Variants in ALK observed in about 807,000 individuals in gnomAD.
The protein encoded by ALK is ALK tyrosine kinase receptor.
ALK carries 74 observed loss-of-function variants against 163.1 expected under a neutral mutation model. The observed-to-expected ratio is 0.45, with a 90% CI of 0.38 to 0.55. The LOEUF (loss-of-function observed/expected upper bound fraction) is 0.55, where lower values mean the gene tolerates loss of function less well. Ranked by LOEUF, ALK falls within the 20% of genes least tolerant of loss-of-function variation. The pLI, the probability that ALK is intolerant of heterozygous loss-of-function variation, is 0.00. For synonymous variants in ALK, 960 were observed against 843.2 expected, an observed-to-expected ratio of 1.14 and a Z score of -2.40; for missense variants, 2,063 against 2,105.3, an observed-to-expected ratio of 0.98 and a Z score of 0.39.
intron 14 of ALK, 90 bp from the exon 15 acceptor site, chr2:29,232,538 G>A: frequency 6.4e-7 from 1 of 1,569,206 alleles, no homozygotes; most frequent in Non-Finnish European, 8.7e-7. Context: ...CTGACTGAGG[G>A]TTTGCTGTTT....
chr2:29,904,150 G>T (rs972125040), intron 1 of ALK, among the ~76,000 whole-genome samples: 1 of 151,946 alleles, frequency 6.6e-6, no homozygotes, highest in African/African-American at 2.4e-5. Context: ...TTGAAATAGG[G>T]TTTTTTTCTG....
chr2:29,691,977 C>T (rs752298521), intron 3 of ALK, among the ~76,000 whole-genome samples: 13 of 152,028 alleles, frequency 8.6e-5, no homozygotes, highest in East Asian at 7.7e-4. Flanking sequence ...AAACCTGTAA[C>T]GACCAAAAAA....
chr2:29,774,504 T>A (rs997172692), intron 1 of ALK, among the ~76,000 whole-genome samples: 4 of 152,226 alleles, frequency 2.6e-5, no homozygotes, highest in African/African-American at 9.6e-5. Context: ...AACAACCTTA[T>A]GACAAGGGCA....
At chr2:29,509,367 C>T (rs1672445314) in intron 4 of ALK, among the ~76,000 whole-genome samples, 1 of 152,116 alleles carries the variant, frequency 6.6e-6, no homozygotes, top group Non-Finnish European at 1.5e-5. Flanking sequence ...AACAGGGGTT[C>T]CTTCAACCAT....
chr2:29,319,528 G>C (rs1359514286), intron 7 of ALK, among the ~76,000 whole-genome samples: 1 of 152,136 alleles, frequency 6.6e-6, no homozygotes, highest in South Asian at 2.1e-4. Context: ...TGGGAGAGGG[G>C]GTAGTTCAGT....
intron 3 of ALK, among the ~76,000 whole-genome samples, chr2:29,580,758 G>A (rs967547801): frequency 7.2e-5 from 11 of 152,214 alleles, no homozygotes; most frequent in African/African-American, 2.2e-4. Flanking sequence ...GGGCCCTGAC[G>A]TGGTTTGGGG....
rs1162190295 is a variant in ALK, at chr2:29,752,409, G to T, written c.668-34712C>A. 1.8e-4 allele frequency among the ~76,000 whole-genome samples: 27 copies of T among 147,906 alleles called. No individual in the cohort carries two copies. In the South Asian group the frequency reaches 2.6e-3, roughly 14 times the overall value. On this transcript the variant is annotated intron_variant, in intron 1 of 28. Coordinates refer to ENST00000389048, the MANE Select transcript of ALK (RefSeq NM_004304.5). Reference sequence around the variant, plus strand: ...CTGTCGCCCAGGCTGGAGTGCAGTGGCGCGATCTCGACTCACTGCAAGCTC... The same window carrying T: ...CTGTCGCCCAGGCTGGAGTGCAGTGTCGCGATCTCGACTCACTGCAAGCTC...
intron 4 of ALK, among the ~76,000 whole-genome samples, chr2:29,427,037 C>CAAAAAAAAAAAAAAAAAAAAA (rs70958261): frequency 2.5e-5 from 1 of 40,126 alleles, no homozygotes; most frequent in Non-Finnish European, 3.9e-5. Flanking sequence ...GACTCCGTCT[C>CAAAAAAAAAAAAAAAAAAAAA]AAAAAAAAAA....
intron 3 of ALK, among the ~76,000 whole-genome samples, chr2:29,534,924 T>C (rs563182040): frequency 6.6e-6 from 1 of 152,198 alleles, no homozygotes; most frequent in Non-Finnish European, 1.5e-5. Flanking sequence ...GGACTATCAA[T>C]AAGCGACTGA....
intron 3 of ALK, among the ~76,000 whole-genome samples, chr2:29,670,950 T>C (rs1677665147): frequency 2.0e-5 from 3 of 152,118 alleles, no homozygotes. Context: ...AAAATGCTAT[T>C]TTTAATTATT....
chr2:29,748,586 C>G (rs553481193), intron 1 of ALK, among the ~76,000 whole-genome samples: 1 of 152,040 alleles, frequency 6.6e-6, no homozygotes, highest in East Asian at 1.9e-4. Flanking sequence ...GAAAGAAGCC[C>G]GTGGGAAGCA....
rs185725089 is a variant in ALK, at chr2:29,202,735, C to T, written c.3938+4436G>A. 3.8e-3 allele frequency among the ~76,000 whole-genome samples: 573 copies of T among 152,270 alleles called. 7 individuals carry two copies. The highest frequency in any genetic ancestry group is 0.013 in the African/African-American group (525 of 41,564). Reference sequence around the variant, plus strand: ...ATGTAGGTTGTCTTCTTTTATACTGCGGAATAGTTTTCCATGATGTAAGTA... The same window carrying T: ...ATGTAGGTTGTCTTCTTTTATACTGTGGAATAGTTTTCCATGATGTAAGTA... On this transcript the variant is annotated intron_variant, in intron 26 of 28. Transcript: ENST00000389048.
chr2:29,709,687 A>C (rs1234605748), intron 2 of ALK, among the ~76,000 whole-genome samples: 3 of 152,182 alleles, frequency 2.0e-5, no homozygotes, highest in African/African-American at 7.2e-5. Flanking sequence ...ACCACCTCCC[A>C]GACTGTTCTA....
chr2:29,248,797 AATT>A (rs1664749362), intron 12 of ALK, among the ~76,000 whole-genome samples: 1 of 152,198 alleles, frequency 6.6e-6, no homozygotes, highest in Non-Finnish European at 1.5e-5. Context: ...AAAATGAATT[AATT>A]ATTATTTAAT....
chr2:29,333,091 A>G (rs977448380), intron 5 of ALK, among the ~76,000 whole-genome samples: 1 of 151,944 alleles, frequency 6.6e-6, no homozygotes, highest in African/African-American at 2.4e-5. Flanking sequence ...GATTTCTTTG[A>G]TAGCCAGTGA....
intron 1 of ALK, among the ~76,000 whole-genome samples, chr2:29,804,989 C>A (rs1259054837): frequency 6.6e-6 from 1 of 152,150 alleles, no homozygotes; most frequent in African/African-American, 2.4e-5. Flanking sequence ...CAGAGATCTA[C>A]TATCTTGTCT....
chr2:29,858,189 CCCTGTAT>C (rs1312511470), intron 1 of ALK, among the ~76,000 whole-genome samples: 1 of 152,078 alleles, frequency 6.6e-6, no homozygotes, highest in African/African-American at 2.4e-5. Flanking sequence ...CTCCTGTTGC[CCCTGTAT>C]AACCACACCT....
chr2:29,237,399 C>T (rs969907588), intron 13 of ALK, among the ~76,000 whole-genome samples: 8 of 152,294 alleles, frequency 5.3e-5, no homozygotes, highest in Admixed American at 2.6e-4. Context: ...TTAAAGTGGC[C>T]TGATCCAGCC....
At chr2:29,267,911 C>T (rs1281525390) in intron 11 of ALK, among the ~76,000 whole-genome samples, 1 of 152,246 alleles carries the variant, frequency 6.6e-6, no homozygotes, top group Non-Finnish European at 1.5e-5. Flanking sequence ...GATGGAGGGG[C>T]CTTTGTGTTC....
Sources: allele counts gnomAD v4.1 joint callset (sites outside exome capture counted in the v4.1 genomes callset), GRCh38; gene constraint gnomAD v4.1.1; transcripts MANE v1.5; gene names NCBI Gene and HGNC (gene_info 2026-07-23, HGNC 2026-07-21).